The following CHD6 variants were observed in gnomAD, a reference collection of about 807,000 sequenced individuals.
CHD6 encodes the protein ATP-dependent chromatin remodeler CHD6.
A neutral mutation model predicts 276.9 loss-of-function variants in CHD6; 50 were observed. The ratio of observed to expected loss-of-function variants is 0.18; its 90% confidence interval spans 0.14 to 0.23. The LOEUF (loss-of-function observed/expected upper bound fraction) is 0.23, where lower values mean the gene tolerates loss of function less well. Among genes scored for constraint, CHD6 ranks in the 10% least tolerant of loss-of-function variants. CHD6 has a pLI of 1.00. For synonymous variants in CHD6, 1,173 were observed against 1,229.3 expected (o/e 0.95, Z 0.96); for missense variants, 2,564 against 3,365.8 (o/e 0.76, Z 5.89).
chr20:41,592,206 A>G (rs1343657496), intron 1 of CHD6, among the ~76,000 whole-genome samples: 1 of 152,212 alleles, frequency 6.6e-6, no homozygotes, highest in African/African-American at 2.4e-5. Flanking sequence ...ATGGTTTAAA[A>G]AACAAAACAA....
intron 1 of CHD6, among the ~76,000 whole-genome samples, chr20:41,563,770 G>C (rs531495260): frequency 1.3e-5 from 2 of 152,222 alleles, no homozygotes; most frequent in South Asian, 4.1e-4. Context: ...ATGTCATAAT[G>C]TCAATTGACC....
chr20:41,506,204 T>C (rs931037244), intron 5 of CHD6, among the ~76,000 whole-genome samples: 1 of 152,204 alleles, frequency 6.6e-6, no homozygotes, highest in South Asian at 2.1e-4. Context: ...CACTAGTCTA[T>C]TCACAACCTA....
intron 1 of CHD6, among the ~76,000 whole-genome samples, chr20:41,607,472 C>CAATACACAACA (rs2045841402): frequency 6.6e-6 from 1 of 152,102 alleles, no homozygotes; most frequent in Admixed American, 6.5e-5. Flanking sequence ...AATGAATTTT[C>CAATACACAACA]AATAACTGTT....
chr20:41,506,371 T>A (rs1439088099), intron 5 of CHD6, among the ~76,000 whole-genome samples: 1 of 152,216 alleles, frequency 6.6e-6, no homozygotes, highest in African/African-American at 2.4e-5. Context: ...GTTATCCTTG[T>A]CCATTCTTCA....
chr20:41,404,463 G>A lies in CHD6; in HGVS notation c.*130C>T. On this transcript the variant is annotated 3_prime_UTR_variant, in exon 37 of 37. Transcript: ENST00000373233. ...TTAACATCTGTTACCATAGTTCTCAGACAGGAAATCAGGTACGTAATCTTA... is the reference window on the plus strand; with the variant it reads ...TTAACATCTGTTACCATAGTTCTCAAACAGGAAATCAGGTACGTAATCTTA... The A allele has an allele frequency of 7.3e-7, 1 of 1,371,634 alleles. No homozygotes were observed. Among genetic ancestry groups the A allele is most frequent in the East Asian group, 2.5e-5 (1 of 39,354 alleles). The allele number at this position is 1,371,634 out of a possible 1,614,324, so 85.0% of individuals were successfully genotyped here.
Position 41,497,488 on chromosome 20 carries a change from A to G in CHD6, c.988T>C (p.Cys330Arg). ...VKYRNFSYLH[C>R]KWATMEELEK... is the part of the protein sequence containing the mutation. ...AGCTCTTCCATTGTGGCCCATTTAC[A>G]ATGTAAGTAGGAACTATCCAAAGAC... The change falls in exon 8 of 37, where the codon TGT becomes CGT. Residue 330 changes from cysteine to arginine, a missense_variant. Coordinates refer to ENST00000373233, the MANE Select transcript of CHD6 (RefSeq NM_032221.5). The G allele has an allele frequency of 6.2e-7, 1 of 1,611,610 alleles. No homozygotes were observed. The highest frequency in any genetic ancestry group is 8.5e-7 in the Non-Finnish European group (1 of 1,177,780).
At chr20:41,615,089 G>A (rs888239478) in intron 1 of CHD6, among the ~76,000 whole-genome samples, 2 of 152,196 alleles carry the variant, frequency 1.3e-5, no homozygotes, top group Non-Finnish European at 2.9e-5. Flanking sequence ...TCTTTAGAGA[G>A]AACTACTGGT....
intron 2 of CHD6, among the ~76,000 whole-genome samples, chr20:41,550,329 C>T (rs2045125291): frequency 1.3e-5 from 2 of 152,182 alleles, no homozygotes; most frequent in African/African-American, 4.8e-5. Context: ...TATCAGCTGA[C>T]AACTCTTTGA....
intron 36 of CHD6, among the ~76,000 whole-genome samples, chr20:41,410,030 T>C (rs2046796491): frequency 6.6e-6 from 1 of 152,232 alleles, no homozygotes; most frequent in Admixed American, 6.5e-5. Context: ...ATGATAATTC[T>C]GTGGACACCA....
chr20:41,498,220 G>C lies in CHD6; in HGVS notation c.922C>G (p.Pro308Ala). ...TCCAAGTCGAACGGAGGTTCTCCTG[G>C]GTGAACCTGTAACAAACAGCAAGCA... ...LASKTVQEVH[P>A]GEPPFDLELF... is the part of the protein sequence containing the mutation. Residue 308 changes from proline to alanine, a missense_variant, in exon 7 of 37, where the codon CCA becomes GCA. Transcript: ENST00000373233. 1 of 1,610,088 alleles carries C rather than the reference G, an allele frequency of 6.2e-7. No individual in the cohort carries two copies. The highest frequency in any genetic ancestry group is 1.3e-5 in the African/African-American group (1 of 74,760).
At chr20:41,598,969 C>G (rs1331259809) in intron 1 of CHD6, among the ~76,000 whole-genome samples, 1 of 152,174 alleles carries the variant, frequency 6.6e-6, no homozygotes, top group South Asian at 2.1e-4. Context: ...TCCTCTGACC[C>G]TTACATTTAC....
chr20:41,489,096 T>C (rs966461059), intron 12 of CHD6, among the ~76,000 whole-genome samples: 3 of 152,196 alleles, frequency 2.0e-5, no homozygotes, highest in Non-Finnish European at 4.4e-5. Flanking sequence ...CAGCTTTGTT[T>C]TTCAGACTGT....
At position 41,421,579 on chromosome 20, in the gene CHD6, C is replaced by A. The variant is rs1417349934; in HGVS notation, c.5056G>T (p.Val1686Phe). The A allele has an allele frequency of 6.2e-7, 1 of 1,613,732 alleles. No individual in the cohort carries two copies. Among genetic ancestry groups the A allele is most frequent in the African/African-American group, 1.3e-5 (1 of 74,902 alleles). ...TGGTTGATGGAAATGACATCCTGAACTTTAGAAATAAAGTTTTCACATGTC... is the reference window on the plus strand; with the variant it reads ...TGGTTGATGGAAATGACATCCTGAAATTTAGAAATAAAGTTTTCACATGTC... Reference protein sequence around the residue: ...DVTCENFISKVQDVISINHDE... With the variant: ...DVTCENFISKFQDVISINHDE... Residue 1686 changes from valine (V) to phenylalanine (F), a missense_variant, in exon 31 of 37, where the codon GTT (valine) becomes TTT (phenylalanine). Coordinates refer to ENST00000373233, the MANE Select transcript of CHD6 (RefSeq NM_032221.5).
At position 41,582,052 on chromosome 20, in the gene CHD6, A is replaced by C. The variant is rs544418622; in HGVS notation, c.-23-30692T>G. 5.5e-4 allele frequency among the ~76,000 whole-genome samples: 84 copies of C among 152,360 alleles called. 1 individual carries two copies. The South Asian group carries it at 0.017, about 31-fold the overall frequency. ...AGTTGACTGTGGAAACACAGAGACA[A>C]TCTTCCCAAAAACTGTTGGTGGGAG... On this transcript the variant is annotated intron_variant, in intron 1 of 36. Transcript: ENST00000373233.
intron 1 of CHD6, among the ~76,000 whole-genome samples, chr20:41,613,179 A>C (rs2045905128): frequency 6.6e-6 from 1 of 152,238 alleles, no homozygotes; most frequent in Non-Finnish European, 1.5e-5. Flanking sequence ...AATTAGCACT[A>C]ATGGAAGTTG....
intron 14 of CHD6, among the ~76,000 whole-genome samples, chr20:41,486,515 C>T (rs1352140381): frequency 1.3e-5 from 2 of 152,100 alleles, no homozygotes; most frequent in Non-Finnish European, 2.9e-5. Context: ...TGACTTGCAT[C>T]AGAAGTAGGA....
intron 2 of CHD6, among the ~76,000 whole-genome samples, chr20:41,538,838 G>A (rs2044885712): frequency 1.3e-5 from 2 of 152,310 alleles, no homozygotes; most frequent in South Asian, 4.1e-4. Flanking sequence ...AGTGGAGCTT[G>A]TTCAAGCTTG....
intron 26 of CHD6, among the ~76,000 whole-genome samples, chr20:41,437,867 T>C (rs544768929): frequency 2.6e-4 from 39 of 152,254 alleles, no homozygotes; most frequent in South Asian, 1.2e-3. Context: ...ACACTGAGAA[T>C]GAGAGAAACT....
intron 17 of CHD6, among the ~76,000 whole-genome samples, chr20:41,461,567 G>C (rs1318866269): frequency 2.6e-5 from 4 of 152,108 alleles, no homozygotes; most frequent in Non-Finnish European, 5.9e-5. Flanking sequence ...CATGTAAGAA[G>C]AGCCTTTCGC....
Sources: allele counts gnomAD v4.1 joint callset (sites outside exome capture counted in the v4.1 genomes callset), GRCh38; gene constraint gnomAD v4.1.1; transcripts MANE v1.5; gene names NCBI Gene and HGNC (gene_info 2026-07-23, HGNC 2026-07-21).